Variants in NALCN observed in about 807,000 individuals in gnomAD.
NALCN encodes sodium leak channel NALCN.
NALCN carries 111 observed loss-of-function variants against 225.3 expected under a neutral mutation model. The observed-to-expected ratio is 0.49, with a 90% CI of 0.42 to 0.58. The LOEUF is 0.58. Among genes scored for constraint, NALCN ranks in the 20% least tolerant of loss-of-function variants. The pLI is 0.00. For missense variants in NALCN, 1,378 were observed against 2,202.4 expected, an observed-to-expected ratio of 0.63 and a Z score of 7.49; for synonymous variants, 764 against 769.0, an observed-to-expected ratio of 0.99 and a Z score of 0.11.
In NALCN at chr13:101,059,799, G is replaced by GGAC. The variant is rs761575100; in HGVS notation, c.4905+16_4905+18dup. 7.4e-6 allele frequency: 12 copies of GGAC among 1,612,820 alleles called. No individual in the cohort carries two copies. In the African/African-American group the frequency reaches 1.3e-4, roughly 18 times the overall value. On this transcript the variant is annotated intron_variant, in intron 42 of 43. Transcript: ENST00000251127. The stretch of plus-strand genomic sequence containing the variant: ...AGCCCACAGAGTGTCCTGGGACAGA[G>GGAC]GACGCCTCGTGCCCATACCTCAGGT...
intron 7 of NALCN, among the ~76,000 whole-genome samples, chr13:101,299,281 G>A (rs956820679): frequency 5.9e-5 from 9 of 152,092 alleles, no homozygotes; most frequent in African/African-American, 1.7e-4. Context: ...CTCTGCTTGC[G>A]GAATAAGCCA....
At chr13:101,331,980 T>C (rs1227892117) in intron 7 of NALCN, among the ~76,000 whole-genome samples, 3 of 152,162 alleles carry the variant, frequency 2.0e-5, no homozygotes, top group Non-Finnish European at 4.4e-5. Flanking sequence ...ATGAAATCCC[T>C]TGGTTAAATC....
intron 12 of NALCN, among the ~76,000 whole-genome samples, chr13:101,233,111 CTCTA>C (rs773147317): frequency 6.6e-6 from 1 of 152,138 alleles, no homozygotes; most frequent in Non-Finnish European, 1.5e-5. Context: ...AGGTTTTTCA[CTCTA>C]TCTACCCTAT....
chr13:101,412,013 A>G (rs548234975), intron 1 of NALCN, among the ~76,000 whole-genome samples: 8 of 152,308 alleles, frequency 5.3e-5, no homozygotes, highest in African/African-American at 1.9e-4. Flanking sequence ...CTCTTTGTGG[A>G]TAAGTAATTT....
At chr13:101,137,295 AT>A (rs1441976549) in intron 17 of NALCN, among the ~76,000 whole-genome samples, 1 of 152,096 alleles carries the variant, frequency 6.6e-6, no homozygotes, top group Non-Finnish European at 1.5e-5. Flanking sequence ...CTAAGCCATT[AT>A]TTAAAAAAAA....
chr13:101,363,613 T>C (rs766440050), intron 6 of NALCN, among the ~76,000 whole-genome samples: 4 of 152,080 alleles, frequency 2.6e-5, no homozygotes, highest in Non-Finnish European at 5.9e-5. Context: ...ATCTAAGAAC[T>C]GAATCTATGA....
intron 18 of NALCN, among the ~76,000 whole-genome samples, chr13:101,115,193 T>G (rs1179270239): frequency 6.6e-6 from 1 of 152,082 alleles, no homozygotes; most frequent in African/African-American, 2.4e-5. Context: ...TAATTTTATC[T>G]CAAGTTAGAA....
intron 16 of NALCN, among the ~76,000 whole-genome samples, chr13:101,144,266 A>T (rs1260078541): frequency 6.6e-6 from 1 of 152,244 alleles, no homozygotes; most frequent in East Asian, 1.9e-4. Flanking sequence ...TTCTTTTAAA[A>T]AGTGGAAGGC....
intron 18 of NALCN, among the ~76,000 whole-genome samples, chr13:101,116,209 T>C: frequency 6.6e-6 from 1 of 152,070 alleles, no homozygotes; most frequent in Admixed American, 6.5e-5. Context: ...ACCCCTGGTT[T>C]CTTGCCAAGC....
chr13:101,161,786 C>T (rs979311891), intron 15 of NALCN, among the ~76,000 whole-genome samples: 1 of 152,164 alleles, frequency 6.6e-6, no homozygotes, highest in Non-Finnish European at 1.5e-5. Flanking sequence ...GCAGGAGAAT[C>T]GCTTGAACCT....
At chr13:101,407,573 C>T (rs577804887) in intron 1 of NALCN, among the ~76,000 whole-genome samples, 30 of 152,132 alleles carry the variant, frequency 2.0e-4, no homozygotes, top group African/African-American at 6.5e-4. Flanking sequence ...TTATTGAAAG[C>T]TTACTCCATG....
At chr13:101,414,162 G>C (rs1371541471) in intron 1 of NALCN, among the ~76,000 whole-genome samples, 9 of 151,864 alleles carry the variant, frequency 5.9e-5, no homozygotes, top group African/African-American at 1.5e-4. Context: ...TGGGATTATA[G>C]GCATGAGCCA....
intron 17 of NALCN, among the ~76,000 whole-genome samples, chr13:101,126,779 C>T (rs1173355029): frequency 6.6e-6 from 1 of 152,170 alleles, no homozygotes; most frequent in Non-Finnish European, 1.5e-5. Context: ...GCATGAGCCA[C>T]CACACCCGGC....
At position 101,059,807 on chromosome 13, in the gene NALCN, C is replaced by T. The variant is rs116543192; in HGVS notation, c.4905+11G>A. On this transcript the variant is annotated intron_variant, in intron 42 of 43. Transcript: ENST00000251127. Reference sequence around the variant, plus strand: ...GAGTGTCCTGGGACAGAGGACGCCTCGTGCCCATACCTCAGGTTGCATGCT... The same window carrying T: ...GAGTGTCCTGGGACAGAGGACGCCTTGTGCCCATACCTCAGGTTGCATGCT... The T allele has an allele frequency of 1.8e-3, 2,944 of 1,613,582 alleles. 33 individuals are homozygous for T. In the African/African-American group the frequency reaches 0.027, roughly 15 times the overall value.
rs542764729 is a variant in NALCN at position 101,396,915 on chromosome 13, G to A, written c.109-1550C>T. On this transcript the variant is annotated intron_variant, in intron 2 of 43. Transcript: ENST00000251127. ...TAAGATGGACACTAAGAAAAAGTTA[G>A]GGGTGCTTCATTCTCTATTCCATTC... Among the ~76,000 whole-genome samples, 558 of 151,440 alleles carry A rather than the reference G, an allele frequency of 3.7e-3. 5 individuals are homozygous for A. The highest frequency in any genetic ancestry group is 4.6e-3 in the Non-Finnish European group (314 of 67,740).
Position 101,290,904 on chromosome 13 carries a change from A to G in NALCN, c.1047+1086T>C, listed in dbSNP as rs1005287208. ...CATTTTATTCCTGATTCTGGAATTT[A>G]TATTTTCTCTCTCTTTTATAAAGAT... On this transcript the variant is annotated intron_variant, in intron 9 of 43. Coordinates refer to ENST00000251127, the MANE Select transcript of NALCN (RefSeq NM_052867.4). Among the ~76,000 whole-genome samples, 9 of 152,332 alleles carry G rather than the reference A, an allele frequency of 5.9e-5. No homozygotes were observed. The South Asian group carries it at 1.9e-3, about 32-fold the overall frequency.
chr13:101,181,549 G>A (rs1243818709), intron 14 of NALCN, among the ~76,000 whole-genome samples: 1 of 149,118 alleles, frequency 6.7e-6, no homozygotes, highest in Non-Finnish European at 1.5e-5. Flanking sequence ...TTTGAGACCA[G>A]CCTGGGCAAC....
intron 13 of NALCN, among the ~76,000 whole-genome samples, chr13:101,209,139 A>G (rs924093018): frequency 1.3e-5 from 2 of 152,164 alleles, no homozygotes; most frequent in Non-Finnish European, 2.9e-5. Context: ...TATTAGATAT[A>G]TGTGGATATC....
chr13:101,386,816 G>A (rs1394351152), intron 3 of NALCN, among the ~76,000 whole-genome samples: 1 of 151,964 alleles, frequency 6.6e-6, no homozygotes, highest in East Asian at 1.9e-4. Flanking sequence ...AATTGGCTAG[G>A]TATAATTTTA....
Sources: gnomAD v4.1 joint callset for allele counts (sites outside exome capture counted in the v4.1 genomes callset) on GRCh38, gnomAD v4.1.1 for gene constraint, MANE v1.5 for transcripts, NCBI Gene and HGNC (gene_info 2026-07-23, HGNC 2026-07-21) for gene names.